Variants in HSF2BP observed in about 807,000 individuals in gnomAD.
HSF2BP encodes heat shock factor 2-binding protein.
HSF2BP carries 35 observed loss-of-function variants against 35.0 expected under a neutral mutation model. The observed-to-expected ratio is 1.00, with a 90% confidence interval of 0.76 to 1.32. The LOEUF (loss-of-function observed/expected upper bound fraction) is 1.32, where lower values mean the gene tolerates loss of function less well. Among genes scored for constraint, HSF2BP ranks in the 40% most tolerant of loss-of-function variants. The probability of loss-of-function intolerance (pLI) is 0.00; values close to 1 mark genes in which losing one functional copy is unlikely to be tolerated. For synonymous variants in HSF2BP, 114 were observed against 117.4 expected, an observed-to-expected ratio of 0.97 and a Z score of 0.18; for missense variants, 326 against 321.7, an observed-to-expected ratio of 1.01 and a Z score of -0.10.
chr21:43,606,519 GC>G (rs1204952839), intron 7 of HSF2BP, among the ~76,000 whole-genome samples: 1 of 152,140 alleles, frequency 6.6e-6, no homozygotes, highest in Non-Finnish European at 1.5e-5. Flanking sequence ...AGGAGGTATG[GC>G]CTGAGTGCTA....
At chr21:43,631,738 A>G (rs1364756284) in intron 5 of HSF2BP, among the ~76,000 whole-genome samples, 1 of 152,102 alleles carries the variant, frequency 6.6e-6, no homozygotes, top group East Asian at 1.9e-4. Context: ...CACTGTGTCA[A>G]CTGACCTACT....
At chr21:43,632,173 G>T (rs1476612687) in intron 5 of HSF2BP, among the ~76,000 whole-genome samples, 1 of 66,454 alleles carries the variant, frequency 1.5e-5, no homozygotes, top group Non-Finnish European at 2.7e-5. Context: ...ACACACACAC[G>T]CTCCCCCACA....
In HSF2BP at chr21:43,590,264, TCAA is replaced by T. The variant is rs750236819; in HGVS notation, c.796+1958_796+1960del. Reference sequence around the variant, plus strand: ...TGAATGGCAAAACATGAAAAGATACTCAACATCATTAGTCACAACAAAAATACA... The same window carrying T: ...TGAATGGCAAAACATGAAAAGATACTCATCATTAGTCACAACAAAAATACA... On this transcript the variant is annotated intron_variant, in intron 8 of 8. Coordinates refer to ENST00000291560, the MANE Select transcript of HSF2BP (RefSeq NM_007031.2). Among the ~76,000 whole-genome samples the T allele has an allele frequency of 1.3e-4, 20 of 152,302 alleles. No homozygotes were observed. The East Asian group carries it at 3.7e-3, about 28-fold the overall frequency.
chr21:43,616,718 G>A (rs558266725), intron 6 of HSF2BP, among the ~76,000 whole-genome samples: 22 of 152,230 alleles, frequency 1.4e-4, no homozygotes, highest in Middle Eastern at 3.4e-3. Context: ...CGGATCACGC[G>A]GTCTGGAGAT....
chr21:43,656,868 T>C (rs560607959), intron 2 of HSF2BP, 131 bp from the exon 3 acceptor site: 4 of 700,730 alleles, frequency 5.7e-6, no homozygotes, highest in South Asian at 3.7e-5. Context: ...ACCTACTGTA[T>C]ATTCTGCTAT....
chr21:43,619,143 G>A (rs1384791816), intron 6 of HSF2BP, among the ~76,000 whole-genome samples: 2 of 152,064 alleles, frequency 1.3e-5, no homozygotes, highest in African/African-American at 4.8e-5. Flanking sequence ...AAAGTACACT[G>A]TAAACACAAC....
chr21:43,467,963 A>C, the HSF2BP span, among the ~76,000 whole-genome samples: 3 of 64,866 alleles, frequency 4.6e-5, no homozygotes, highest in East Asian at 4.0e-4. Context: ...CCACACTTAC[A>C]CCACACACAC....
chr21:43,606,185 G>C (rs2082133231), intron 7 of HSF2BP, among the ~76,000 whole-genome samples: 1 of 152,230 alleles, frequency 6.6e-6, no homozygotes, highest in Non-Finnish European at 1.5e-5. Context: ...CACCAGTGTG[G>C]AAATGAGTGG....
intron 6 of HSF2BP, among the ~76,000 whole-genome samples, chr21:43,616,062 T>A (rs2082266987): frequency 6.7e-6 from 1 of 150,122 alleles, no homozygotes. Flanking sequence ...AATATATATA[T>A]ATATATATCA....
intron 7 of HSF2BP, among the ~76,000 whole-genome samples, chr21:43,602,403 C>T (rs9976133): frequency 6.6e-6 from 1 of 152,318 alleles, no homozygotes; most frequent in Admixed American, 6.5e-5. Flanking sequence ...AGAAATGGGA[C>T]GATACCATCA....
chr21:43,614,362 C>CAA (rs142666316), intron 6 of HSF2BP, among the ~76,000 whole-genome samples: 39 of 75,572 alleles, frequency 5.2e-4, no homozygotes, highest in Middle Eastern at 8.2e-3. Flanking sequence ...AGCCCTGTCT[C>CAA]AAAAAAAAAA....
At chr21:43,590,581 G>A (rs1294796608) in intron 8 of HSF2BP, among the ~76,000 whole-genome samples, 1 of 152,130 alleles carries the variant, frequency 6.6e-6, no homozygotes, top group Non-Finnish European at 1.5e-5. Context: ...CAACCCAAAT[G>A]TCCATCACTA....
chr21:43,593,218 C>T (rs2081948159), intron 7 of HSF2BP, among the ~76,000 whole-genome samples: 2 of 152,176 alleles, frequency 1.3e-5, no homozygotes, highest in Admixed American at 1.3e-4. Flanking sequence ...ATTCATTTCA[C>T]AGGCCCTGCA....
At chr21:43,639,200 A>G (rs1358113018) in intron 4 of HSF2BP, among the ~76,000 whole-genome samples, 1 of 152,270 alleles carries the variant, frequency 6.6e-6, no homozygotes, top group East Asian at 1.9e-4. Flanking sequence ...TAAAACCATT[A>G]AGAAAAAAGA....
intron 7 of HSF2BP, 144 bp from the exon 8 acceptor site, chr21:43,592,472 C>T (rs1454650): frequency 0.65 from 379,590 of 584,318 alleles, 125,048 homozygotes; most frequent in East Asian, 0.78. Flanking sequence ...GAATTAATAA[C>T]ATCTGTCTAC....
intron 8 of HSF2BP, among the ~76,000 whole-genome samples, chr21:43,579,255 T>C (rs953803636): frequency 1.3e-5 from 2 of 152,194 alleles, no homozygotes; most frequent in Non-Finnish European, 2.9e-5. Flanking sequence ...CCTTCATCAA[T>C]GAGTTAATGA....
At chr21:43,605,643 C>T (rs1387961979) in intron 7 of HSF2BP, among the ~76,000 whole-genome samples, 2 of 150,818 alleles carry the variant, frequency 1.3e-5, no homozygotes, top group East Asian at 3.9e-4. Flanking sequence ...CATACCACAC[C>T]CACATCTCCA....
chr21:43,603,230 C>A (rs555539265), intron 7 of HSF2BP, among the ~76,000 whole-genome samples: 9 of 152,230 alleles, frequency 5.9e-5, no homozygotes, highest in African/African-American at 2.2e-4. Flanking sequence ...AGACTCTGGG[C>A]CCTCCACATG....
At chr21:43,630,834 T>G (rs962800538) in intron 5 of HSF2BP, among the ~76,000 whole-genome samples, 2 of 152,184 alleles carry the variant, frequency 1.3e-5, no homozygotes, top group African/African-American at 4.8e-5. Flanking sequence ...AAAAAAAATC[T>G]TAATGAAAAC....
Sources: allele counts gnomAD v4.1 joint callset (sites outside exome capture counted in the v4.1 genomes callset), GRCh38; gene constraint gnomAD v4.1.1; transcripts MANE v1.5; gene names NCBI Gene and HGNC (gene_info 2026-07-23, HGNC 2026-07-21).